The following PLXNA4 variants were observed in gnomAD, a reference collection of about 807,000 sequenced individuals.
The protein encoded by PLXNA4 is plexin A4.
Under a neutral mutation model 191.8 loss-of-function variants are expected in PLXNA4, and 44 were observed. The observed-to-expected ratio is 0.23, with a 90% CI of 0.18 to 0.29. The LOEUF is 0.29. Ranked by LOEUF, PLXNA4 falls within the 10% of genes least tolerant of loss-of-function variation. The pLI, the probability that PLXNA4 is intolerant of heterozygous loss-of-function variation, is 1.00. For missense variants in PLXNA4, 1,800 were observed against 2,488.8 expected, an observed-to-expected ratio of 0.72 and a Z score of 5.89; for synonymous variants, 1,082 against 1,009.5, an observed-to-expected ratio of 1.07 and a Z score of -1.36.
chr7:132,490,621 T>C (rs1375337808), intron 2 of PLXNA4, among the ~76,000 whole-genome samples: 1 of 151,868 alleles, frequency 6.6e-6, no homozygotes, highest in Non-Finnish European at 1.5e-5. Context: ...GAGACAGTAT[T>C]TCATCATGTT....
intron 9 of PLXNA4, among the ~76,000 whole-genome samples, chr7:132,212,372 G>A (rs1303901568): frequency 6.6e-6 from 1 of 152,148 alleles, no homozygotes; most frequent in Admixed American, 6.5e-5. Flanking sequence ...GTCCCTCCCA[G>A]GTCCCAGAGC....
At chr7:132,419,600 C>A (rs1585110551) in intron 3 of PLXNA4, among the ~76,000 whole-genome samples, 1 of 152,196 alleles carries the variant, frequency 6.6e-6, no homozygotes. Context: ...TCTGTCCATT[C>A]TTCTGTTTTT....
At chr7:132,521,126 G>T (rs1202431198) in intron 1 of PLXNA4, among the ~76,000 whole-genome samples, 2 of 149,728 alleles carry the variant, frequency 1.3e-5, no homozygotes, top group Admixed American at 1.3e-4. Context: ...TGAAAATCTT[G>T]GCAGAAATCT....
At chr7:132,175,292 G>A (rs747818692) in intron 20 of PLXNA4, among the ~76,000 whole-genome samples, 32 of 152,074 alleles carry the variant, frequency 2.1e-4, no homozygotes, top group Non-Finnish European at 2.9e-4. Flanking sequence ...TAGAGGGATG[G>A]GTAAGAGAAG....
chr7:132,217,645 C>T (rs1025320218), intron 9 of PLXNA4, among the ~76,000 whole-genome samples: 1 of 152,124 alleles, frequency 6.6e-6, no homozygotes, highest in Non-Finnish European at 1.5e-5. Flanking sequence ...GTGCCCAATA[C>T]AAAAATGTAA....
intron 16 of PLXNA4, among the ~76,000 whole-genome samples, chr7:132,182,832 GAGGGAGGGCACAGGACTGCTGAC>G (rs1426039219): frequency 3.9e-5 from 6 of 152,100 alleles, no homozygotes; most frequent in African/African-American, 1.2e-4. Flanking sequence ...GGACTGCTGA[GAGGGAGGGCACAGGACTGCTGAC>G]AGGGAGGGCC....
chr7:132,507,085 T>C (rs747188169), intron 2 of PLXNA4, among the ~76,000 whole-genome samples: 1 of 152,168 alleles, frequency 6.6e-6, no homozygotes, highest in Non-Finnish European at 1.5e-5. Context: ...ATGGTTTTTA[T>C]TCTAAGCTCC....
rs186543972 is a variant in PLXNA4 at position 132,133,405 on chromosome 7, T to C, written c.5439-206A>G. Among the ~76,000 whole-genome samples the C allele has an allele frequency of 1.9e-4, 29 of 152,200 alleles. 1 individual carries two copies. The East Asian group carries it at 5.4e-3, about 28-fold the overall frequency. Reference sequence around the variant, plus strand: ...AACCAGGAAGAGCCCTCTGCAGCTCTGGATGCAGGAGGCATAGAGGGAAGG... The same window carrying C: ...AACCAGGAAGAGCCCTCTGCAGCTCCGGATGCAGGAGGCATAGAGGGAAGG... On this transcript the variant is annotated intron_variant, in intron 30 of 31. Coordinates refer to ENST00000321063, the MANE Select transcript of PLXNA4 (RefSeq NM_020911.2).
chr7:132,368,862 A>G (rs1804306444), intron 3 of PLXNA4, among the ~76,000 whole-genome samples: 1 of 152,166 alleles, frequency 6.6e-6, no homozygotes, highest in African/African-American at 2.4e-5. Flanking sequence ...TCAGGCAATG[A>G]CCTTGGGAAC....
chr7:132,435,665 G>A (rs1007623746), intron 3 of PLXNA4, among the ~76,000 whole-genome samples: 3 of 152,168 alleles, frequency 2.0e-5, no homozygotes, highest in East Asian at 3.9e-4. Context: ...ACCTGTGTTC[G>A]GCAACACTTG....
intron 6 of PLXNA4, 127 bp downstream of exon 6, chr7:132,228,219 C>A: frequency 1.2e-5 from 15 of 1,287,558 alleles, no homozygotes; most frequent in Non-Finnish European, 1.6e-5. Flanking sequence ...GCACCCTTCT[C>A]TTGAGCTGCT....
rs1185292763 is a variant in PLXNA4 at position 132,126,750 on chromosome 7, G to A, written c.*3729C>T. 1 of 152,268 alleles carries A rather than the reference G, an allele frequency of 6.6e-6. No individual in the cohort carries two copies. The highest frequency in any genetic ancestry group is 2.4e-5 in the African/African-American group (1 of 41,446). The allele number at this position is 152,268 out of a possible 1,614,324, so 9.4% of individuals were successfully genotyped here. A position where few individuals can be genotyped will look rare whatever the true frequency, so the allele number is the denominator to read the frequency against. On this transcript the variant is annotated 3_prime_UTR_variant, in exon 32 of 32. Transcript: ENST00000321063. Reference sequence around the variant, plus strand: ...AGCAGCCAAGCTCACTTACCAGGCTGCGGGTGCACAAGGGGTAGGCTTTAG... The same window carrying A: ...AGCAGCCAAGCTCACTTACCAGGCTACGGGTGCACAAGGGGTAGGCTTTAG...
chr7:132,462,234 G>A (rs1324885684), intron 3 of PLXNA4, among the ~76,000 whole-genome samples: 1 of 152,090 alleles, frequency 6.6e-6, no homozygotes, highest in East Asian at 1.9e-4. Flanking sequence ...AAACTTAAGG[G>A]TAACCACTAT....
At chr7:132,360,591 T>G (rs540825496) in intron 3 of PLXNA4, among the ~76,000 whole-genome samples, 10 of 152,326 alleles carry the variant, frequency 6.6e-5, no homozygotes, top group African/African-American at 2.4e-4. Flanking sequence ...TGCAGTGACA[T>G]CTGAGCTGAA....
chr7:132,450,821 C>A (rs544140483), intron 3 of PLXNA4, among the ~76,000 whole-genome samples: 16 of 152,172 alleles, frequency 1.1e-4, no homozygotes, highest in Non-Finnish European at 2.1e-4. Context: ...GCACTCTGTC[C>A]CACTATGGCC....
chr7:132,499,578 G>C (rs1393112655), intron 2 of PLXNA4, among the ~76,000 whole-genome samples: 1 of 152,182 alleles, frequency 6.6e-6, no homozygotes, highest in Non-Finnish European at 1.5e-5. Flanking sequence ...ATGGCAGGCA[G>C]ACTCAGCAGC....
chr7:132,548,353 A>T (rs563975571), intron 1 of PLXNA4, among the ~76,000 whole-genome samples: 1 of 152,312 alleles, frequency 6.6e-6, no homozygotes, highest in Admixed American at 6.5e-5. Context: ...TTCAAGTGCA[A>T]GTAAGGTCTT....
intron 31 of PLXNA4, among the ~76,000 whole-genome samples, chr7:132,132,450 CTGTTCTGTTCTGT>C (rs1563048224): frequency 0.021 from 996 of 47,832 alleles, 32 homozygotes; most frequent in South Asian, 0.026. Flanking sequence ...CTGTTCTGTT[CTGTTCTGTTCTGT>C]TCTGCTCTGC....
chr7:132,403,269 C>T (rs1794070800), intron 3 of PLXNA4, among the ~76,000 whole-genome samples: 1 of 152,242 alleles, frequency 6.6e-6, no homozygotes, highest in African/African-American at 2.4e-5. Flanking sequence ...ACTGCCCCCT[C>T]AGGAGCCAGC....
Sources: gnomAD v4.1 joint callset for allele counts (sites outside exome capture counted in the v4.1 genomes callset) on GRCh38, gnomAD v4.1.1 for gene constraint, MANE v1.5 for transcripts, NCBI Gene and HGNC (gene_info 2026-07-23, HGNC 2026-07-21) for gene names.